DPRX: variants seen among roughly 807,000 people sequenced by gnomAD.
DPRX encodes the protein divergent paired-related homeobox.
DPRX carries 11 observed loss-of-function variants against 8.4 expected under a neutral mutation model. The ratio of observed to expected loss-of-function variants is 1.31; its 90% CI spans 0.82 to 2.17. The LOEUF is 2.17. Ranked by LOEUF, DPRX falls within the 30% of genes most tolerant of loss-of-function variation. The pLI, the probability that DPRX is intolerant of heterozygous loss-of-function variation, is 0.00. For synonymous variants in DPRX, 72 were observed against 87.0 expected (o/e 0.83, Z 0.96); for missense variants, 211 against 236.7 (o/e 0.89, Z 0.71).
At chr19:53,623,087 C>T in the DPRX span, among the ~76,000 whole-genome samples, 3 of 150,932 alleles carry the variant, frequency 2.0e-5, no homozygotes, top group Non-Finnish European at 2.9e-5. Flanking sequence ...GGGCGGATCA[C>T]GAGGTCAGGA....
chr19:53,622,074 G>A, the DPRX span, among the ~76,000 whole-genome samples: 28 of 152,010 alleles, frequency 1.8e-4, no homozygotes, highest in African/African-American at 5.8e-4. Context: ...GGTGTTGCTA[G>A]GAAGGAAAAG....
the DPRX span, among the ~76,000 whole-genome samples, chr19:53,617,495 A>C: frequency 6.8e-6 from 1 of 147,272 alleles, no homozygotes; most frequent in Non-Finnish European, 1.5e-5. Context: ...GAGGCAGAGG[A>C]TGCGGTGAGC....
At chr19:53,636,363 C>A (rs1384324769) in intron 2 of DPRX, among the ~76,000 whole-genome samples, 1 of 146,880 alleles carries the variant, frequency 6.8e-6, no homozygotes, top group Admixed American at 7.0e-5. Flanking sequence ...GAGACTCCAT[C>A]TCAAAAATAA....
intron 1 of DPRX, among the ~76,000 whole-genome samples, chr19:53,633,806 C>T (rs928224206): frequency 6.6e-6 from 1 of 151,572 alleles, no homozygotes; most frequent in Non-Finnish European, 1.5e-5. Context: ...CTGTGCCCGG[C>T]CAAATTTTTG....
chr19:53,601,888 G>A, the DPRX span: 106 of 390,306 alleles, frequency 2.7e-4, 1 homozygote, highest in South Asian at 2.0e-3. Flanking sequence ...CAGTCCATTG[G>A]TTTTTCGCAA....
At chr19:53,616,860 G>A in the DPRX span, 2 of 1,596,382 alleles carry the variant, frequency 1.3e-6, no homozygotes. Context: ...ACCTGAAGCT[G>A]AAGAAGCCGC....
the DPRX span, among the ~76,000 whole-genome samples, chr19:53,618,655 T>C: frequency 7.0e-6 from 1 of 143,630 alleles, no homozygotes; most frequent in East Asian, 2.0e-4. Flanking sequence ...GACTCAGAGA[T>C]AGAAAAATGG....
the DPRX span, among the ~76,000 whole-genome samples, chr19:53,624,829 C>CAAAAAA: frequency 1.1e-5 from 1 of 87,590 alleles, no homozygotes; most frequent in Admixed American, 1.6e-4. Flanking sequence ...GCGACAGTCA[C>CAAAAAA]AAAAAAAAAA....
the DPRX span, among the ~76,000 whole-genome samples, chr19:53,615,604 T>C: frequency 1.3e-5 from 2 of 151,998 alleles, no homozygotes; most frequent in African/African-American, 4.8e-5. Context: ...TTTTAAAGAA[T>C]GTATGAAGAT....
chr19:53,632,773 G>A (rs901816686), intron 1 of DPRX, among the ~76,000 whole-genome samples: 1 of 152,128 alleles, frequency 6.6e-6, no homozygotes, highest in East Asian at 1.9e-4. Flanking sequence ...ACAGGCAAAT[G>A]CAGGGAAGCC....
At chr19:53,604,282 G>A in the DPRX span, 1 of 152,766 alleles carries the variant, frequency 6.5e-6, no homozygotes, top group East Asian at 1.9e-4. Context: ...CCGTGGATAA[G>A]CAGGGGCTGT....
the DPRX span, chr19:53,616,876 C>G: frequency 4.5e-6 from 7 of 1,569,826 alleles, no homozygotes; most frequent in East Asian, 1.3e-4. Context: ...GCCGCCCTGG[C>G]TGCACATGCC....
chr19:53,617,724 C>G, the DPRX span, among the ~76,000 whole-genome samples: 4 of 152,086 alleles, frequency 2.6e-5, no homozygotes, highest in African/African-American at 4.8e-5. Flanking sequence ...TGTATTGAAG[C>G]TTGGACTAGA....
chr19:53,609,918 G>A, the DPRX span, among the ~76,000 whole-genome samples: 1 of 151,916 alleles, frequency 6.6e-6, no homozygotes, highest in Non-Finnish European at 1.5e-5. Context: ...CCGGGAGGTG[G>A]AGGTTGTGGT....
the DPRX span, among the ~76,000 whole-genome samples, chr19:53,618,231 C>T: frequency 2.0e-5 from 3 of 151,592 alleles, no homozygotes; most frequent in Non-Finnish European, 4.4e-5. Context: ...TTTTTACAAC[C>T]CCCTTAACAC....
chr19:53,613,500 A>G, the DPRX span, among the ~76,000 whole-genome samples: 1 of 149,884 alleles, frequency 6.7e-6, no homozygotes, highest in East Asian at 2.0e-4. Flanking sequence ...GGTGCGTGCC[A>G]TCATGCCCCG....
chr19:53,614,670 T>C, the DPRX span, among the ~76,000 whole-genome samples: 13 of 152,320 alleles, frequency 8.5e-5, no homozygotes, highest in African/African-American at 3.1e-4. Flanking sequence ...TTCTTCATTG[T>C]AAAAATTTTT....
the DPRX span, among the ~76,000 whole-genome samples, chr19:53,609,564 A>C: frequency 6.6e-6 from 1 of 150,998 alleles, no homozygotes; most frequent in Non-Finnish European, 1.5e-5. Flanking sequence ...AAAATCCAGA[A>C]ATAAATCCAC....
chr19:53,628,585 TTTTC>T (rs561943450), upstream of DPRX, among the ~76,000 whole-genome samples: 12 of 151,968 alleles, frequency 7.9e-5, no homozygotes, highest in South Asian at 2.3e-3. Flanking sequence ...TTCCAAAACT[TTTTC>T]TTTCTGTTTT....
Sources: gnomAD v4.1 joint callset for allele counts (sites outside exome capture counted in the v4.1 genomes callset) on GRCh38, gnomAD v4.1.1 for gene constraint, MANE v1.5 for transcripts, NCBI Gene and HGNC (gene_info 2026-07-23, HGNC 2026-07-21) for gene names.